The following PRKDC variants were observed in gnomAD, a reference collection of about 807,000 sequenced individuals.
The protein encoded by PRKDC is protein kinase, DNA-activated, catalytic subunit.
In PRKDC, 82 loss-of-function variants were observed where a neutral mutation model predicts 486.9. The observed-to-expected ratio is 0.17, with a 90% CI of 0.14 to 0.20. The LOEUF (loss-of-function observed/expected upper bound fraction) is 0.20. Ranked by LOEUF, PRKDC falls within the 10% of genes least tolerant of loss-of-function variation. The probability of loss-of-function intolerance (pLI) is 1.00; values close to 1 mark genes in which losing one functional copy is unlikely to be tolerated. For missense variants in PRKDC, 4,504 were observed against 5,038.2 expected (o/e 0.89, Z 3.21); for synonymous variants, 1,895 against 1,837.0 (o/e 1.03, Z -0.81).
chr8:47,858,418 T>C (rs8178150), intron 48 of PRKDC, 98 bp downstream of exon 48: 2 of 1,198,588 alleles, frequency 1.7e-6, no homozygotes, highest in East Asian at 5.8e-5. Flanking sequence ...TGTGTGTTTT[T>C]AAGTATATTC....
At chr8:47,878,247 A>G (rs1251825236) in intron 39 of PRKDC, among the ~76,000 whole-genome samples, 1 of 151,886 alleles carries the variant, frequency 6.6e-6, no homozygotes, top group Non-Finnish European at 1.5e-5. Context: ...CTGGGACTAC[A>G]GGCGCCCGCC....
chr8:47,858,730 C>CAA, intron 47 of PRKDC, 95 bp from the exon 48 acceptor site: 1 of 1,432,502 alleles, frequency 7.0e-7, no homozygotes, highest in Non-Finnish European at 9.2e-7. Flanking sequence ...AAGACATGAA[C>CAA]AAAAAAAAAT....
intron 46 of PRKDC, among the ~76,000 whole-genome samples, chr8:47,859,402 C>T (rs568942546): frequency 1.3e-5 from 2 of 152,262 alleles, no homozygotes; most frequent in South Asian, 2.1e-4. Context: ...GACCTCTGAC[C>T]TCCTACTGTG....
Position 47,932,933 on chromosome 8 carries a change from A to C in PRKDC, c.1776+87T>G. The C allele has an allele frequency of 2.4e-6, 3 of 1,227,072 alleles. No homozygotes were observed. In the South Asian group the frequency reaches 4.9e-5, roughly 20 times the overall value. 76.0% of individuals were successfully genotyped at this position (1,227,072 alleles called of 1,614,324 possible). On this transcript the variant is annotated intron_variant, in intron 16 of 85. Transcript: ENST00000314191. ...CAAATTTTCTCCAGTTCTCCTCTAC[A>C]AATGTGCTATTGTCCCCTAAATATT...
Position 47,798,310 on chromosome 8 carries a change from C to A in PRKDC, c.10385G>T (p.Arg3462Ile). Residue 3462 changes from arginine to isoleucine, a missense_variant, in exon 73 of 86, where the codon AGA becomes ATA. This residue lies in a region of PRKDC where 706 missense variants were observed against 945.0 expected (regional missense o/e 0.75). Coordinates refer to ENST00000314191, the MANE Select transcript of PRKDC (RefSeq NM_006904.7). The part of the protein sequence containing the change: ...KALKLNSNEA[R>I]LKFPRLLQII... The stretch of plus-strand genomic sequence containing the variant: ...CTGAAGTAATCTAGGAAACTTCAAT[C>A]TGGCTTCATTGGAATTTAATTTTAA... 1 of 1,613,722 alleles carries A rather than the reference C, an allele frequency of 6.2e-7. No homozygotes were observed. The highest frequency in any genetic ancestry group is 8.5e-7 in the Non-Finnish European group (1 of 1,179,784).
rs1181685384 is a variant in PRKDC at position 47,900,447 on chromosome 8, TCCA to T, written c.3287_3289del (p.Val1096del). On this transcript the variant is annotated inframe_deletion, in exon 28 of 86. Transcript: ENST00000314191. ...CACCAAGGCTTCAAACACAAACTGT[TCCA>T]CCAGAGACTCTTCTTCCCTGTAAAA... 6.2e-7 allele frequency: 1 copy of T among 1,609,996 alleles called. No individual in the cohort carries two copies. The highest frequency in any genetic ancestry group is 1.7e-5 in the Admixed American group (1 of 59,444).
At position 47,939,377 on chromosome 8, in the gene PRKDC, C is replaced by T. The variant is rs946815560; in HGVS notation, c.1113+174G>A. On this transcript the variant is annotated intron_variant, in intron 11 of 85. Transcript: ENST00000314191. ...TCCAGCACACACTGTATTTTTGATC[C>T]GTATGGTAGAAAAACATCTGCATGT... 3.3e-5 allele frequency among the ~76,000 whole-genome samples: 5 copies of T among 152,232 alleles called. No individual in the cohort carries two copies. In the South Asian group the frequency reaches 6.2e-4, roughly 19 times the overall value.
chr8:47,904,806 TAAAC>T, intron 26 of PRKDC, 59 bp downstream of exon 26: 13 of 1,281,428 alleles, frequency 1.0e-5, no homozygotes, highest in Non-Finnish European at 1.1e-6. Context: ...CATAAATAAA[TAAAC>T]AAACATCAAA....
In PRKDC at chr8:47,854,172, T is replaced by C. The variant is rs1589744082; in HGVS notation, c.6804A>G (p.Lys2268=). The part of the protein sequence containing the change: ...EKFSGKDPNS[K]DNSVGIQLLG... ...GCAATTGAATCCCTACTGAGTTGTCTTTAGAATTAGGATCTTTACCGGAAA... is the reference window on the plus strand; with the variant it reads ...GCAATTGAATCCCTACTGAGTTGTCCTTAGAATTAGGATCTTTACCGGAAA... Residue 2268 remains lysine, a synonymous_variant, in exon 51 of 86, where the codon AAA becomes AAG. Coordinates refer to ENST00000314191, the MANE Select transcript of PRKDC (RefSeq NM_006904.7). 6.2e-7 allele frequency: 1 copy of C among 1,613,678 alleles called. No individual in the cohort carries two copies.
chr8:47,859,019 TACA>T (rs1381482525), intron 46 of PRKDC, 33 bp from the exon 47 acceptor site: 5 of 1,607,704 alleles, frequency 3.1e-6, no homozygotes, highest in Non-Finnish European at 4.2e-6. Flanking sequence ...GAGCAGAGGG[TACA>T]GTTAACATTC....
chr8:47,817,412 A>T, intron 68 of PRKDC, 38 bp downstream of exon 68: 2 of 1,398,592 alleles, frequency 1.4e-6, no homozygotes, highest in South Asian at 2.6e-5. Flanking sequence ...CAATTTCAAA[A>T]AACAATCCAC....
intron 25 of PRKDC, among the ~76,000 whole-genome samples, chr8:47,909,462 G>A (rs143726106): frequency 1.4e-4 from 22 of 152,168 alleles, no homozygotes; most frequent in African/African-American, 4.3e-4. Context: ...GACCACTACC[G>A]TACAAATTGA....
At chr8:47,905,570 CCTAA>C (rs1401488493) in intron 25 of PRKDC, among the ~76,000 whole-genome samples, 2 of 152,152 alleles carry the variant, frequency 1.3e-5, no homozygotes, top group African/African-American at 2.4e-5. Context: ...TTCCCCACAG[CCTAA>C]CTGTCTCCCC....
chr8:47,933,136 T>G lies in PRKDC; in HGVS notation c.1660A>C (p.Asn554His). Reference protein sequence around the residue: ...ILADEAFFSVNSSSESLNHLL... With the variant: ...ILADEAFFSVHSSSESLNHLL... ...TGATTCAGACTTTCACTGGAGGAAT[T>G]CACAGAGAAAAATGCTTCATCTGCT... The change falls in exon 16 of 86, where the codon AAT becomes CAT. Residue 554 changes from asparagine to histidine, a missense_variant. Transcript: ENST00000314191. 1 of 1,551,926 alleles carries G rather than the reference T, an allele frequency of 6.4e-7. No homozygotes were observed. The highest frequency in any genetic ancestry group is 8.7e-7 in the Non-Finnish European group (1 of 1,152,016).
chr8:47,927,087 C>G, intron 21 of PRKDC, 107 bp downstream of exon 21: 1 of 1,037,488 alleles, frequency 9.6e-7, no homozygotes, highest in Non-Finnish European at 1.4e-6. Flanking sequence ...ATATTTTGAA[C>G]ACACTGGGCT....
At chr8:47,932,939 G>T in intron 16 of PRKDC, 81 bp downstream of exon 16, 3 of 1,259,186 alleles carry the variant, frequency 2.4e-6, no homozygotes, top group Non-Finnish European at 2.2e-6. Flanking sequence ...CTACAAATGT[G>T]CTATTGTCCC....
At chr8:47,913,753 T>A in intron 24 of PRKDC, 148 bp downstream of exon 24, 1 of 736,024 alleles carries the variant, frequency 1.4e-6, no homozygotes, top group Non-Finnish European at 2.0e-6. Flanking sequence ...TGACTTCTAA[T>A]AAGTAAGTAG....
chr8:47,918,825 G>T (rs1344141304), intron 21 of PRKDC, among the ~76,000 whole-genome samples: 1 of 152,074 alleles, frequency 6.6e-6, no homozygotes, highest in Non-Finnish European at 1.5e-5. Context: ...GAAATGATGG[G>T]GGTAGAAAAT....
At chr8:47,866,961 CTCCTGGGCTCAAGT>C (rs1164029342) in intron 40 of PRKDC, among the ~76,000 whole-genome samples, 6 of 152,264 alleles carry the variant, frequency 3.9e-5, no homozygotes, top group Middle Eastern at 3.4e-3. Flanking sequence ...TGGTCTCAAA[CTCCTGGGCTCAAGT>C]GATCCTCCTG....
Sources: gnomAD v4.1 joint callset for allele counts (sites outside exome capture counted in the v4.1 genomes callset) on GRCh38, gnomAD v4.1.1 for gene constraint, gnomAD v4.1.1 regional missense constraint, MANE v1.5 for transcripts, NCBI Gene and HGNC (gene_info 2026-07-23, HGNC 2026-07-21) for gene names.